FRMD5: variants seen among roughly 807,000 people sequenced by gnomAD.
The protein encoded by FRMD5 is FERM domain containing 5.
Under a neutral mutation model 69.0 loss-of-function variants are expected in FRMD5, and 20 were observed. That is an observed-to-expected ratio of 0.29 (90% confidence interval 0.20 to 0.42). The LOEUF is 0.42. Ranked by LOEUF, FRMD5 falls within the 10% of genes least tolerant of loss-of-function variation. FRMD5 has a pLI of 1.00. For missense variants in FRMD5, 595 were observed against 708.6 expected (o/e 0.84, Z 1.82); for synonymous variants, 271 against 260.1 (o/e 1.04, Z -0.40).
intron 1 of FRMD5, among the ~76,000 whole-genome samples, chr15:43,993,562 G>A (rs539331480): frequency 6.6e-6 from 1 of 152,192 alleles, no homozygotes; most frequent in Admixed American, 6.5e-5. Flanking sequence ...GTTGCTGCTG[G>A]ATGCAATGTT....
At chr15:43,880,671 T>TG (rs1017784442) in intron 13 of FRMD5, among the ~76,000 whole-genome samples, 9 of 152,320 alleles carry the variant, frequency 5.9e-5, no homozygotes, top group African/African-American at 1.9e-4. Context: ...GGTCCTGGGC[T>TG]GGGGGCCATG....
At chr15:43,943,951 A>G (rs192235802) in intron 1 of FRMD5, among the ~76,000 whole-genome samples, 75 of 152,296 alleles carry the variant, frequency 4.9e-4, no homozygotes, top group Admixed American at 4.6e-3. Context: ...AAATCTGGCC[A>G]TTGTGACCCC....
intron 1 of FRMD5, among the ~76,000 whole-genome samples, chr15:44,076,020 T>G (rs960345546): frequency 4.6e-5 from 7 of 152,218 alleles, no homozygotes; most frequent in Non-Finnish European, 1.0e-4. Context: ...TTGTTTGTTT[T>G]TTTCTTGTAA....
intron 1 of FRMD5, among the ~76,000 whole-genome samples, chr15:44,042,336 T>G (rs1354643005): frequency 2.0e-5 from 3 of 152,176 alleles, no homozygotes; most frequent in African/African-American, 7.2e-5. Context: ...CACACCCGAA[T>G]TCTACCAGAG....
At chr15:44,121,729 T>G (rs1026996599) in intron 1 of FRMD5, among the ~76,000 whole-genome samples, 11 of 151,812 alleles carry the variant, frequency 7.2e-5, no homozygotes, top group African/African-American at 2.7e-4. Flanking sequence ...GGGCAGTGGC[T>G]CACACCTTTA....
chr15:43,988,747 T>C (rs1479534810), intron 1 of FRMD5, among the ~76,000 whole-genome samples: 2 of 152,188 alleles, frequency 1.3e-5, no homozygotes, highest in Non-Finnish European at 2.9e-5. Flanking sequence ...ACTGGGCCAT[T>C]CTCCTTAGAG....
intron 1 of FRMD5, among the ~76,000 whole-genome samples, chr15:44,087,543 A>T (rs1304652156): frequency 6.6e-6 from 1 of 152,152 alleles, no homozygotes; most frequent in Non-Finnish European, 1.5e-5. Flanking sequence ...TGGCTCCACC[A>T]CATACTACCT....
At chr15:44,011,942 G>A (rs1341383210) in intron 1 of FRMD5, among the ~76,000 whole-genome samples, 1 of 152,126 alleles carries the variant, frequency 6.6e-6, no homozygotes, top group African/African-American at 2.4e-5. Flanking sequence ...AGAAATCAGA[G>A]GTTTCAAGTG....
chr15:43,910,898 G>T (rs2089276423), intron 4 of FRMD5, among the ~76,000 whole-genome samples: 1 of 152,246 alleles, frequency 6.6e-6, no homozygotes, highest in South Asian at 2.1e-4. Context: ...GTACAACTAA[G>T]TGAAAGAGCC....
rs369641710 is a variant in FRMD5 at position 43,906,758 on chromosome 15, C to T, written c.428-807G>A. Among the ~76,000 whole-genome samples the T allele has an allele frequency of 3.7e-5, 5 of 136,300 alleles. 1 individual carries two copies. In the East Asian group the frequency reaches 8.1e-4, roughly 22 times the overall value. 89.4% of individuals were successfully genotyped at this position (136,300 alleles called of 152,430 possible). A position where few individuals can be genotyped will look rare whatever the true frequency, so the allele number is the denominator to read the frequency against. On this transcript the variant is annotated intron_variant, in intron 5 of 13. Transcript: ENST00000417257. The stretch of plus-strand genomic sequence containing the variant: ...CTGGGACTACAGGCGCCTGCCACCT[C>T]GCCCGGCTGATTTTTTGTATTTTTA...
chr15:43,874,840 C>T (rs777164891), intron 13 of FRMD5, among the ~76,000 whole-genome samples: 26 of 151,984 alleles, frequency 1.7e-4, no homozygotes, highest in Non-Finnish European at 2.8e-4. Flanking sequence ...GCGGAGGTTG[C>T]AGTGAGCTGA....
At chr15:43,881,450 A>G (rs2088527503) in intron 13 of FRMD5, among the ~76,000 whole-genome samples, 1 of 152,178 alleles carries the variant, frequency 6.6e-6, no homozygotes, top group African/African-American at 2.4e-5. Context: ...TATATCCATA[A>G]TTCCATTCTT....
At chr15:44,000,012 G>GT (rs1435650029) in intron 1 of FRMD5, among the ~76,000 whole-genome samples, 50 of 16,692 alleles carry the variant, frequency 3.0e-3, no homozygotes, top group African/African-American at 5.7e-3. Context: ...CTTTGTTTTT[G>GT]TTTTTTTGGA....
intron 6 of FRMD5, 80 bp from the exon 7 acceptor site, chr15:43,902,342 G>A: frequency 3.4e-6 from 4 of 1,186,858 alleles, no homozygotes; most frequent in Non-Finnish European, 3.8e-6. Context: ...ATGAAGATGT[G>A]CTTAGGATGA....
chr15:44,065,772 G>T (rs778814936), intron 1 of FRMD5, among the ~76,000 whole-genome samples: 2 of 152,088 alleles, frequency 1.3e-5, no homozygotes, highest in Non-Finnish European at 2.9e-5. Context: ...TAACTTTAAA[G>T]GTCAACTTAT....
At chr15:44,020,384 A>G (rs1237478763) in intron 1 of FRMD5, among the ~76,000 whole-genome samples, 5 of 152,308 alleles carry the variant, frequency 3.3e-5, no homozygotes, top group East Asian at 3.9e-4. Flanking sequence ...GAGAAGTTAT[A>G]TATCTTCATT....
intron 1 of FRMD5, among the ~76,000 whole-genome samples, chr15:44,162,683 C>T (rs2077637031): frequency 6.6e-6 from 1 of 150,928 alleles, no homozygotes; most frequent in South Asian, 2.1e-4. Context: ...GCCTGACCAA[C>T]ATGGAGAAAC....
chr15:44,005,402 T>C (rs918607090), intron 1 of FRMD5, among the ~76,000 whole-genome samples: 7 of 126,564 alleles, frequency 5.5e-5, no homozygotes, highest in Non-Finnish European at 1.1e-4. Context: ...ACCCGGTAGG[T>C]GGAGGCTGCA....
Position 43,905,553 on chromosome 15 carries a change from C to T in FRMD5, c.551+275G>A, listed in dbSNP as rs1168524954. The stretch of plus-strand genomic sequence containing the variant: ...TAGTGAGGCAGATGCCTTTCAAAGG[C>T]CAATCCCTCTCTGTTTCCCCTATAA... On this transcript the variant is annotated intron_variant, in intron 6 of 13. Transcript: ENST00000417257. 3.3e-5 allele frequency among the ~76,000 whole-genome samples: 5 copies of T among 152,336 alleles called. No individual in the cohort carries two copies. The East Asian group carries it at 7.7e-4, about 23-fold the overall frequency.
Sources: allele counts gnomAD v4.1 joint callset (sites outside exome capture counted in the v4.1 genomes callset), GRCh38; gene constraint gnomAD v4.1.1; transcripts MANE v1.5; gene names NCBI Gene and HGNC (gene_info 2026-07-23, HGNC 2026-07-21).